The following RARB variants were observed in gnomAD, a reference collection of about 807,000 sequenced individuals.
The protein encoded by RARB is HBV-activated protein.
RARB carries 17 observed loss-of-function variants against 51.9 expected under a neutral mutation model. The ratio of observed to expected loss-of-function variants is 0.33; its 90% CI spans 0.22 to 0.49. RARB has a LOEUF of 0.49. RARB is among the 20% of genes least tolerant of loss of function. The pLI, the probability that RARB is intolerant of heterozygous loss-of-function variation, is 0.99. For synonymous variants in RARB, 215 were observed against 195.4 expected (o/e 1.10, Z -0.84); for missense variants, 369 against 550.8 (o/e 0.67, Z 3.30).
At chr3:25,053,962 A>G (rs1321646884) in intron 2 of RARB, among the ~76,000 whole-genome samples, 1 of 152,104 alleles carries the variant, frequency 6.6e-6, no homozygotes, top group Admixed American at 6.5e-5. Flanking sequence ...CATTCATCCT[A>G]CAGATATGGC....
At chr3:25,340,577 TAGAAGCAAGTGAGG>T (rs1705198685) in intron 5 of RARB, among the ~76,000 whole-genome samples, 1 of 152,098 alleles carries the variant, frequency 6.6e-6, no homozygotes, top group Admixed American at 6.6e-5. Context: ...AAACATTACT[TAGAAGCAAGTGAGG>T]ACTTTTTTTC....
At chr3:24,999,251 A>G (rs1164360554) in intron 2 of RARB, among the ~76,000 whole-genome samples, 1 of 152,200 alleles carries the variant, frequency 6.6e-6, no homozygotes, top group Non-Finnish European at 1.5e-5. Flanking sequence ...AACACGTAGT[A>G]CACAGCTAGC....
chr3:25,174,547 G>A (rs374139996), exon 5 of RARB: 18 of 1,351,952 alleles, frequency 1.3e-5, no homozygotes, highest in Admixed American at 3.8e-5. Flanking sequence ...ATCCGCCTCC[G>A]AGTGGATGCA....
At chr3:24,965,983 T>G (rs976345664) in intron 2 of RARB, among the ~76,000 whole-genome samples, 1 of 152,210 alleles carries the variant, frequency 6.6e-6, no homozygotes, top group African/African-American at 2.4e-5. Flanking sequence ...AGAAAAAATA[T>G]GCAGGTTTAC....
intron 5 of RARB, among the ~76,000 whole-genome samples, chr3:25,420,840 G>A (rs1212290026): frequency 6.6e-6 from 1 of 152,010 alleles, no homozygotes; most frequent in Non-Finnish European, 1.5e-5. Context: ...AGAAGAACGG[G>A]TAGGTGAATG....
chr3:25,473,051 G>C (rs1326810254), intron 2 of RARB, among the ~76,000 whole-genome samples: 1 of 152,172 alleles, frequency 6.6e-6, no homozygotes, highest in Non-Finnish European at 1.5e-5. Context: ...AAGCACAACA[G>C]TCATACCAGC....
chr3:24,939,235 GTTTAA>G (rs1695608563), intron 2 of RARB, among the ~76,000 whole-genome samples: 1 of 152,096 alleles, frequency 6.6e-6, no homozygotes, highest in African/African-American at 2.4e-5. Flanking sequence ...CTGAATGGGT[GTTTAA>G]TTTGTTTCCA....
chr3:24,887,529 T>C (rs1429554679), intron 2 of RARB, among the ~76,000 whole-genome samples: 1 of 152,206 alleles, frequency 6.6e-6, no homozygotes, highest in Non-Finnish European at 1.5e-5. Flanking sequence ...ATAATATGTA[T>C]TAAATGGCTA....
chr3:25,387,518 G>A (rs1407234780), intron 5 of RARB, among the ~76,000 whole-genome samples: 1 of 152,126 alleles, frequency 6.6e-6, no homozygotes, highest in Non-Finnish European at 1.5e-5. Flanking sequence ...GTTTTTTATA[G>A]TATTCTTCTC....
intron 1 of RARB, among the ~76,000 whole-genome samples, chr3:24,837,478 C>T (rs939377446): frequency 3.3e-5 from 5 of 152,122 alleles, no homozygotes; most frequent in African/African-American, 4.8e-5. Context: ...TTGTGGTTTT[C>T]TTTTGATAAT....
Position 25,297,086 on chromosome 3 carries a change from T to C in RARB, c.178+122511T>C, listed in dbSNP as rs148350732. On this transcript the variant is annotated intron_variant, in intron 5 of 11. Coordinates refer to the RARB transcript ENST00000383772. ...AGTCTTTTATCTGGCCTGTGTAGAC[T>C]TATAAGAGTTCCATGTATATAAACT... 3.4e-3 allele frequency among the ~76,000 whole-genome samples: 517 copies of C among 152,268 alleles called. 16 individuals are homozygous for C. The East Asian group carries it at 0.064, about 19-fold the overall frequency.
intron 5 of RARB, among the ~76,000 whole-genome samples, chr3:25,227,934 T>C (rs1702090773): frequency 6.6e-6 from 1 of 152,090 alleles, no homozygotes; most frequent in African/African-American, 2.4e-5. Context: ...ATTAGTTTTG[T>C]TTTTCTTTTA....
At chr3:25,022,770 G>A (rs1211610435) in intron 2 of RARB, among the ~76,000 whole-genome samples, 1 of 152,174 alleles carries the variant, frequency 6.6e-6, no homozygotes, top group African/African-American at 2.4e-5. Context: ...CAGGAAGAGG[G>A]AATGGCATTG....
chr3:24,983,338 C>A (rs982495547), intron 2 of RARB, among the ~76,000 whole-genome samples: 1 of 151,548 alleles, frequency 6.6e-6, no homozygotes, highest in African/African-American at 2.4e-5. Flanking sequence ...CTTTCTCCTT[C>A]CCCTGGTTTT....
At chr3:25,560,465 G>A (rs1700226672) in intron 3 of RARB, among the ~76,000 whole-genome samples, 1 of 152,154 alleles carries the variant, frequency 6.6e-6, no homozygotes, top group Admixed American at 6.5e-5. Context: ...GATGGCTCAG[G>A]CAGAAATCCA....
intron 4 of RARB, among the ~76,000 whole-genome samples, chr3:25,144,986 G>A (rs1413858760): frequency 6.6e-6 from 1 of 152,130 alleles, no homozygotes; most frequent in Non-Finnish European, 1.5e-5. Context: ...ATTGACTAGA[G>A]AAAGACACAG....
At chr3:25,452,106 G>C (rs887268501) in intron 1 of RARB, among the ~76,000 whole-genome samples, 1 of 152,158 alleles carries the variant, frequency 6.6e-6, no homozygotes, top group Non-Finnish European at 1.5e-5. Flanking sequence ...TCCACGTTCA[G>C]ATCATTAATA....
chr3:25,471,718 T>C (rs4393871), intron 2 of RARB, among the ~76,000 whole-genome samples: 70,726 of 151,826 alleles, frequency 0.47, 20,225 homozygotes, highest in Non-Finnish European at 0.63. Context: ...ATGCTTACTT[T>C]GCTTGTTGTT....
chr3:24,980,726 G>T (rs1696643048), intron 2 of RARB, among the ~76,000 whole-genome samples: 1 of 152,104 alleles, frequency 6.6e-6, no homozygotes, highest in African/African-American at 2.4e-5. Flanking sequence ...CTTTAGCTCA[G>T]ATAAGTTTGT....
Sources: gnomAD v4.1 joint callset for allele counts (sites outside exome capture counted in the v4.1 genomes callset) on GRCh38, gnomAD v4.1.1 for gene constraint, MANE v1.5 for transcripts, NCBI Gene and HGNC (gene_info 2026-07-23, HGNC 2026-07-21) for gene names.